Variants in NINL observed in about 807,000 individuals in gnomAD.
NINL encodes ninein-like protein.
In NINL, 153 loss-of-function variants were observed where a neutral mutation model predicts 160.3. That is an observed-to-expected ratio of 0.95 (90% CI 0.84 to 1.09). The LOEUF (loss-of-function observed/expected upper bound fraction) is 1.09, where lower values mean the gene tolerates loss of function less well. NINL is among the 50% of genes least tolerant of loss of function. NINL has a pLI of 0.00. For missense variants in NINL, 1,829 were observed against 1,764.0 expected (o/e 1.04, Z -0.66); for synonymous variants, 800 against 734.8 (o/e 1.09, Z -1.43).
intron 2 of NINL, among the ~76,000 whole-genome samples, chr20:25,520,289 G>A (rs982062900): frequency 2.0e-5 from 3 of 152,180 alleles, no homozygotes; most frequent in Admixed American, 2.0e-4. Context: ...GGGCTATTAG[G>A]CTGGTCAAAA....
At chr20:25,472,247 A>G (rs959392573) in intron 17 of NINL, among the ~76,000 whole-genome samples, 2 of 150,584 alleles carry the variant, frequency 1.3e-5, no homozygotes, top group African/African-American at 4.9e-5. Context: ...GATGGAAAAT[A>G]TAAAAGAGAG....
At chr20:25,532,641 AC>A (rs1371504349) in intron 1 of NINL, among the ~76,000 whole-genome samples, 9 of 152,106 alleles carry the variant, frequency 5.9e-5, no homozygotes, top group African/African-American at 2.2e-4. Flanking sequence ...TGCGTCTCAG[AC>A]TCTGCCCAGA....
At chr20:25,518,331 C>A (rs2064199847) in intron 2 of NINL, among the ~76,000 whole-genome samples, 1 of 152,192 alleles carries the variant, frequency 6.6e-6, no homozygotes, top group Non-Finnish European at 1.5e-5. Flanking sequence ...AGAAGCTTTG[C>A]TATAGTACCC....
rs2063334739 is a variant in NINL, at chr20:25,479,199, T to C, written c.1925A>G (p.Tyr642Cys). ...LRTQLETKVN[Y>C]YEREIAALKR... ...CAGTGCCGCAATTTCCCTTTCGTAG[T>C]AATTTACCTAAAACGAGAAACATGA... The change falls in exon 16 of 24, where the codon TAC becomes TGC. Residue 642 changes from tyrosine to cysteine, a missense_variant. Coordinates refer to ENST00000278886, the MANE Select transcript of NINL (RefSeq NM_025176.6). The C allele has an allele frequency of 6.2e-7, 1 of 1,604,254 alleles. No individual in the cohort carries two copies. The highest frequency in any genetic ancestry group is 8.5e-7 in the Non-Finnish European group (1 of 1,173,674).
chr20:25,580,388 A>G (rs983462631), intron 1 of NINL, among the ~76,000 whole-genome samples: 2 of 152,150 alleles, frequency 1.3e-5, no homozygotes, highest in Non-Finnish European at 2.9e-5. Flanking sequence ...GTAACAATCA[A>G]TGCACAAAAA....
chr20:25,468,209 T>A (rs1226865263), intron 18 of NINL, among the ~76,000 whole-genome samples: 1 of 123,532 alleles, frequency 8.1e-6, no homozygotes, highest in Non-Finnish European at 1.8e-5. Context: ...ACACTCCTGC[T>A]CTGTCCCCTG....
chr20:25,462,555 T>A lies in NINL; in HGVS notation c.3424-14A>T, dbSNP rs1186802625. The A allele has an allele frequency of 1.9e-6, 3 of 1,591,746 alleles. No individual in the cohort carries two copies. The highest frequency in any genetic ancestry group is 1.8e-5 in the Admixed American group (1 of 54,252). ...GTAGTTCTGATTCTGGGGGAAAAAG[T>A]TTTTAAATACATAAGAAAAAAATGT... On this transcript the variant is annotated splice_polypyrimidine_tract_variant and intron_variant, in intron 19 of 23. Transcript: ENST00000278886.
chr20:25,569,279 T>C (rs1056882021), intron 1 of NINL, among the ~76,000 whole-genome samples: 1 of 150,844 alleles, frequency 6.6e-6, no homozygotes, highest in Admixed American at 6.6e-5. Flanking sequence ...ATTAAATTAG[T>C]AATAGAAAGA....
Position 25,505,026 on chromosome 20 carries a change from G to T in NINL, c.570C>A (p.Cys190Ter), listed in dbSNP as rs1387464161. 1 of 1,612,374 alleles carries T rather than the reference G, an allele frequency of 6.2e-7. No individual in the cohort carries two copies. Among genetic ancestry groups the T allele is most frequent in the Non-Finnish European group, 8.5e-7 (1 of 1,179,142 alleles). Residue 190 changes from cysteine (C) to a stop codon, truncating the protein, a stop_gained, in exon 6 of 24, where the codon TGC (cysteine) becomes TGA (stop). Transcript: ENST00000278886. LOFTEE classifies it high-confidence loss of function. ...SEDFGSPQKS[C>*]SPSFDTPESQ... Reference sequence around the variant, plus strand: ...TCTCTGGGGTGTCAAAGGAGGGGCTGCAGGACTTCTGGGGGCTCCCAAAGT... The same window carrying T: ...TCTCTGGGGTGTCAAAGGAGGGGCTTCAGGACTTCTGGGGGCTCCCAAAGT...
At position 25,489,952 on chromosome 20, in the gene NINL, C is replaced by T. The variant is rs756369491; in HGVS notation, c.1519G>A (p.Val507Met). 3.1e-6 allele frequency: 5 copies of T among 1,614,212 alleles called. No individual in the cohort carries two copies. In the Admixed American group the frequency reaches 8.3e-5, roughly 27 times the overall value. ...TCCGAATCCGAAAGCTTTTCCACCA[C>T]TTCCACAATCTCCTTCTGTAGGCGA... Reference protein sequence around the residue: ...NSRLQKEIVEVVEKLSDSERL... With the variant: ...NSRLQKEIVEMVEKLSDSERL... The change falls in exon 12 of 24, where the codon GTG becomes ATG. Residue 507 changes from valine to methionine, a missense_variant. Transcript: ENST00000278886.
At chr20:25,486,682 C>A (rs910739706) in intron 13 of NINL, among the ~76,000 whole-genome samples, 1 of 152,138 alleles carries the variant, frequency 6.6e-6, no homozygotes, top group Non-Finnish European at 1.5e-5. Context: ...CAGATGGAGG[C>A]AAACCACAGA....
At chr20:25,584,934 C>G (rs903450381) in intron 1 of NINL, among the ~76,000 whole-genome samples, 1 of 152,254 alleles carries the variant, frequency 6.6e-6, no homozygotes, top group African/African-American at 2.4e-5. Context: ...ACTTCTACAC[C>G]CTTTCAATCA....
chr20:25,511,237 C>T (rs1367055943), intron 4 of NINL, among the ~76,000 whole-genome samples: 3 of 152,146 alleles, frequency 2.0e-5, no homozygotes, highest in Non-Finnish European at 4.4e-5. Flanking sequence ...AGCAAACAGT[C>T]GCAAGGTGAG....
chr20:25,495,422 C>T (rs1421700376), intron 10 of NINL, among the ~76,000 whole-genome samples: 4 of 152,210 alleles, frequency 2.6e-5, no homozygotes, highest in Admixed American at 1.3e-4. Context: ...TGAGCCACCA[C>T]CACCAGGACC....
chr20:25,487,646 G>GT (rs764898359), intron 13 of NINL, among the ~76,000 whole-genome samples: 23 of 152,312 alleles, frequency 1.5e-4, no homozygotes, highest in Non-Finnish European at 2.8e-4. Flanking sequence ...TTAACTTTTG[G>GT]TAAATTAAAA....
At chr20:25,545,655 A>AC (rs1349408775) in intron 1 of NINL, among the ~76,000 whole-genome samples, 1 of 152,220 alleles carries the variant, frequency 6.6e-6, no homozygotes, top group Non-Finnish European at 1.5e-5. Flanking sequence ...CTCAAGACTG[A>AC]CAAGACAGAC....
intron 3 of NINL, among the ~76,000 whole-genome samples, chr20:25,517,282 A>T (rs192804973): frequency 1.0e-3 from 158 of 151,826 alleles, no homozygotes; most frequent in African/African-American, 3.4e-3. Context: ...CCCATTTCAC[A>T]CCCTCCTGAC....
At chr20:25,584,072 A>T (rs1568979491) in intron 1 of NINL, among the ~76,000 whole-genome samples, 1 of 152,246 alleles carries the variant, frequency 6.6e-6, no homozygotes, top group Admixed American at 6.5e-5. Context: ...TGATAGGTGC[A>T]GCAAACCATC....
chr20:25,531,713 A>C (rs758933798), intron 1 of NINL, among the ~76,000 whole-genome samples: 4 of 152,046 alleles, frequency 2.6e-5, no homozygotes, highest in Non-Finnish European at 5.9e-5. Context: ...TTTCCTCCTG[A>C]CCATGCCCCA....
Sources: allele counts gnomAD v4.1 joint callset (sites outside exome capture counted in the v4.1 genomes callset), GRCh38; gene constraint gnomAD v4.1.1; transcripts MANE v1.5; gene names NCBI Gene and HGNC (gene_info 2026-07-23, HGNC 2026-07-21).